The following RECQL5 variants were observed in gnomAD, a reference collection of about 807,000 sequenced individuals.
RECQL5 encodes the protein ATP-dependent DNA helicase Q5.
Under a neutral mutation model 103.4 loss-of-function variants are expected in RECQL5, and 88 were observed. That is an observed-to-expected ratio of 0.85 (90% CI 0.72 to 1.02). The LOEUF (loss-of-function observed/expected upper bound fraction) is 1.02, where lower values mean the gene tolerates loss of function less well. Among genes scored for constraint, RECQL5 ranks in the 50% least tolerant of loss-of-function variants. RECQL5 has a pLI of 0.00. For synonymous variants in RECQL5, 552 were observed against 507.9 expected, an observed-to-expected ratio of 1.09 and a Z score of -1.17; for missense variants, 1,232 against 1,284.3, an observed-to-expected ratio of 0.96 and a Z score of 0.62.
In RECQL5 at chr17:75,627,170, G is replaced by A. The variant is rs1292260274; in HGVS notation, c.*252C>T. ...CCACCACCCTCCACCTTCTGTCCTC[G>A]ACATGTGTCCCAGAAAACCCAGCCA... On this transcript the variant is annotated 3_prime_UTR_variant, in exon 20 of 20. Coordinates refer to ENST00000317905, the MANE Select transcript of RECQL5 (RefSeq NM_004259.7). The A allele has an allele frequency of 3.3e-6, 2 of 609,362 alleles. No individual in the cohort carries two copies. The highest frequency in any genetic ancestry group is 6.1e-6 in the Non-Finnish European group (2 of 326,228). 37.7% of individuals were successfully genotyped at this position (609,362 alleles called of 1,614,324 possible).
At chr17:75,650,906 C>T in intron 8 of RECQL5, 9 of 1,444,814 alleles carry the variant, frequency 6.2e-6, no homozygotes, top group Non-Finnish European at 8.1e-6. Context: ...TCCCTTGGAA[C>T]TGAGTGGCTT....
chr17:75,649,500 C>T (rs1207265469), intron 8 of RECQL5: 2 of 355,734 alleles, frequency 5.6e-6, no homozygotes, highest in Non-Finnish European at 7.9e-6. Flanking sequence ...AGAAATGCAC[C>T]CACTTCTGCT....
At chr17:75,649,568 G>A in intron 8 of RECQL5, 1 of 949,150 alleles carries the variant, frequency 1.1e-6, no homozygotes, top group Non-Finnish European at 1.3e-6. Flanking sequence ...AGGGATCGCT[G>A]GTGGGAGGCT....
intron 8 of RECQL5, 108 bp from the exon 9 acceptor site, chr17:75,631,776 C>G: frequency 5.2e-6 from 6 of 1,154,102 alleles, no homozygotes; most frequent in African/African-American, 1.5e-5. Flanking sequence ...CGTCCGGCAC[C>G]ATGCCGGGAG....
Position 75,662,656 on chromosome 17 carries a change from C to G in RECQL5, c.594G>C (p.Gln198His). The change falls in exon 4 of 20, where the codon CAG becomes CAC. Residue 198 changes from glutamine to histidine, a missense_variant. Transcript: ENST00000317905. ...GGGCAGCAAACACGTCCTCTTGGAC[C>G]TGTGGGGTGGCTGTGGCGGTCAGAG... The part of the protein sequence containing the change: ...CVALTATATP[Q>H]VQEDVFAALH... The G allele has an allele frequency of 1.2e-6, 2 of 1,614,150 alleles. No homozygotes were observed. The highest frequency in any genetic ancestry group is 1.7e-6 in the Non-Finnish European group (2 of 1,180,038).
chr17:75,649,752 T>C (rs1003837665), intron 8 of RECQL5: 34 of 985,376 alleles, frequency 3.5e-5, no homozygotes, highest in Non-Finnish European at 4.1e-5. Context: ...GCTGCCTGGA[T>C]TTCAGAATCA....
chr17:75,659,818 A>G (rs1431099824), intron 6 of RECQL5, among the ~76,000 whole-genome samples: 3 of 152,204 alleles, frequency 2.0e-5, no homozygotes, highest in Non-Finnish European at 4.4e-5. Flanking sequence ...CGTTAATCAG[A>G]CCAAAGGGCT....
intron 8 of RECQL5, among the ~76,000 whole-genome samples, chr17:75,644,828 CA>C (rs61339782): frequency 4.0e-4 from 54 of 136,506 alleles, no homozygotes; most frequent in African/African-American, 5.7e-4. Context: ...GACTCTGCCT[CA>C]AAAAAAAAAA....
chr17:75,652,433 A>G (rs2059567081), intron 7 of RECQL5: 1 of 152,242 alleles, frequency 6.6e-6, no homozygotes, highest in Admixed American at 6.5e-5. Flanking sequence ...TCTACTTACC[A>G]GGGAGGCTGT....
At chr17:75,647,535 C>T (rs1054441590) in intron 8 of RECQL5, 24 of 1,550,344 alleles carry the variant, frequency 1.5e-5, no homozygotes, top group Non-Finnish European at 1.9e-5. Context: ...CCACAGAAAA[C>T]ACTCAGTGTG....
At chr17:75,635,745 C>A (rs747510218) in intron 8 of RECQL5, 1 of 976,922 alleles carries the variant, frequency 1.0e-6, no homozygotes, top group African/African-American at 1.8e-5. Context: ...TAAAACCCAC[C>A]ATGACGAAAC....
intron 13 of RECQL5, 71 bp downstream of exon 13, chr17:75,630,548 G>T: frequency 6.5e-7 from 1 of 1,526,776 alleles, no homozygotes; most frequent in South Asian, 1.1e-5. Context: ...GGCCAGGGTT[G>T]ACAGGGTCCT....
chr17:75,665,816 T>TA (rs2059768730), intron 2 of RECQL5, among the ~76,000 whole-genome samples: 3 of 152,214 alleles, frequency 2.0e-5, no homozygotes, highest in African/African-American at 4.8e-5. Context: ...GGACATTACT[T>TA]AGAGGGCTTT....
intron 8 of RECQL5, chr17:75,633,905 TG>T: frequency 1.0e-6 from 1 of 989,380 alleles, no homozygotes; most frequent in Non-Finnish European, 1.2e-6. Flanking sequence ...AGAGGGAGCT[TG>T]TCTTGTCCCT....
rs1234954718 is a variant in RECQL5, at chr17:75,627,665, G to A, written c.2833C>T (p.Leu945Phe). ...GTCTTCTGAGTCAGCAAGTGTGAGAGGTGGCGGGCAAAGCCTTTAAACAAC... is the reference window on the plus strand; with the variant it reads ...GTCTTCTGAGTCAGCAAGTGTGAGAAGTGGCGGGCAAAGCCTTTAAACAAC... The part of the protein sequence containing the change: ...KELFKGFARH[L>F]SHLLTQKTSP... The change falls in exon 19 of 20, where the codon CTC becomes TTC. Residue 945 changes from leucine (L) to phenylalanine (F), a missense_variant. By Grantham distance (22) the Leu-to-Phe change is conservative (BLOSUM62 0). Coordinates refer to ENST00000317905, the MANE Select transcript of RECQL5 (RefSeq NM_004259.7). 1.2e-6 allele frequency: 2 copies of A among 1,611,060 alleles called. No individual in the cohort carries two copies. Among genetic ancestry groups the A allele is most frequent in the Admixed American group, 1.7e-5 (1 of 59,350 alleles).
chr17:75,629,735 G>A lies in RECQL5; in HGVS notation c.1920C>T (p.Asp640=), dbSNP rs1568256541. The change falls in exon 15 of 20, where the codon GAC becomes GAT. Residue 640 remains aspartate, a synonymous_variant. Transcript: ENST00000317905. ...QAEPPEPNEY[D]IPPASHVYSL... The stretch of plus-strand genomic sequence containing the variant: ...AGTACACATGGGAGGCTGGTGGAAT[G>A]TCATACTCATTGGGCTCCGGGGGCT... The A allele has an allele frequency of 6.2e-7, 1 of 1,613,444 alleles. No individual in the cohort carries two copies. The highest frequency in any genetic ancestry group is 8.5e-7 in the Non-Finnish European group (1 of 1,179,666).
At chr17:75,666,350 G>T (rs1178053303) in intron 2 of RECQL5, 78 bp downstream of exon 2, 3 of 1,516,294 alleles carry the variant, frequency 2.0e-6, no homozygotes, top group African/African-American at 1.4e-5. Context: ...AGTACGAAGG[G>T]TGAGGAGGAG....
At chr17:75,651,780 A>G (rs943935787) in intron 7 of RECQL5, among the ~76,000 whole-genome samples, 5 of 152,216 alleles carry the variant, frequency 3.3e-5, no homozygotes, top group Admixed American at 6.5e-5. Flanking sequence ...AAGGGCCCAC[A>G]GACTGGCATT....
Position 75,667,052 on chromosome 17 carries a change from G to T in RECQL5, c.-23C>A. On this transcript the variant is annotated 5_prime_UTR_variant, in exon 1 of 20. Transcript: ENST00000317905. ...TCTTCACCCTAAGATATCAGAACCGGCCGTGGTCCGCCCAAGAATTAAAGG... is the reference window on the plus strand; with the variant it reads ...TCTTCACCCTAAGATATCAGAACCGTCCGTGGTCCGCCCAAGAATTAAAGG... 1 of 339,922 alleles carries T rather than the reference G, an allele frequency of 2.9e-6. No individual in the cohort carries two copies. The highest frequency in any genetic ancestry group is 5.4e-6 in the Non-Finnish European group (1 of 183,980). 21.1% of individuals were successfully genotyped at this position (339,922 alleles called of 1,614,324 possible).
Sources: allele counts gnomAD v4.1 joint callset (sites outside exome capture counted in the v4.1 genomes callset), GRCh38; gene constraint gnomAD v4.1.1; transcripts MANE v1.5; gene names NCBI Gene and HGNC (gene_info 2026-07-23, HGNC 2026-07-21).